SGSM2: variants seen among roughly 807,000 people sequenced by gnomAD.
SGSM2 encodes the protein small G protein signaling modulator 2.
Under a neutral mutation model 126.6 loss-of-function variants are expected in SGSM2, and 89 were observed. The ratio of observed to expected loss-of-function variants is 0.70; its 90% confidence interval spans 0.59 to 0.84. The LOEUF is 0.84. Among genes scored for constraint, SGSM2 ranks in the 40% least tolerant of loss-of-function variants. The probability of loss-of-function intolerance (pLI) is 0.00; values close to 1 mark genes in which losing one functional copy is unlikely to be tolerated. For missense variants in SGSM2, 1,404 were observed against 1,416.6 expected (o/e 0.99, Z 0.14); for synonymous variants, 614 against 574.3 (o/e 1.07, Z -0.99).
intron 2 of SGSM2, among the ~76,000 whole-genome samples, chr17:2,361,192 G>A (rs2065293878): frequency 6.6e-6 from 1 of 152,234 alleles, no homozygotes; most frequent in African/African-American, 2.4e-5. Context: ...TCCAAGCTCT[G>A]CAGTGACTTC....
At position 2,379,462 on chromosome 17, in the gene SGSM2, T is replaced by C; in HGVS notation, c.3098T>C (p.Ile1033Thr). 6.2e-7 allele frequency: 1 copy of C among 1,613,376 alleles called. No homozygotes were observed. The highest frequency in any genetic ancestry group is 1.6e-4 in the Middle Eastern group (1 of 6,062). ...ERAEHHDAQE[I>T]LRIARDLVHK... ...GCTGAGCATCACGATGCCCAGGAGA[T>C]CCTGCGGATTGCCCGGGACCTCGTC... Residue 1033 changes from isoleucine (I) to threonine (T), a missense_variant, in exon 24 of 24, where the codon ATC becomes ACC. Coordinates refer to ENST00000268989, the MANE Select transcript of SGSM2 (RefSeq NM_014853.3).
At chr17:2,378,004 C>T (rs1244045835) in intron 22 of SGSM2, 51 bp downstream of exon 22, 3 of 1,163,262 alleles carry the variant, frequency 2.6e-6, no homozygotes, top group Non-Finnish European at 1.3e-6. Context: ...GTGAGAGATC[C>T]CTCTTCCCCC....
chr17:2,372,060 C>T lies in SGSM2; in HGVS notation c.1578-130C>T. 2 of 1,068,956 alleles carry T rather than the reference C, an allele frequency of 1.9e-6. No individual in the cohort carries two copies. Among genetic ancestry groups the T allele is most frequent in the Non-Finnish European group, 2.8e-6 (2 of 719,574 alleles). The allele number at this position is 1,068,956 out of a possible 1,614,324, so 66.2% of individuals were successfully genotyped here. On this transcript the variant is annotated intron_variant, in intron 13 of 23. Coordinates refer to ENST00000268989, the MANE Select transcript of SGSM2 (RefSeq NM_014853.3). This position sits in a 1 kb window ranked among gnomAD's most constrained non-coding sequence, Gnocchi z 6.0. ...AGGGCACCCACTGACGGCTGCTGGG[C>T]TGCGGCTCCTCCTCCTCGCACCCTC...
chr17:2,343,667 G>A (rs570223496), intron 2 of SGSM2, 47 bp downstream of exon 2: 1 of 1,562,862 alleles, frequency 6.4e-7, no homozygotes, highest in South Asian at 1.1e-5. Flanking sequence ...TAGAGCCGAG[G>A]ACACTGGCCT....
At chr17:2,373,665 A>C in intron 17 of SGSM2, 152 bp downstream of exon 17, 1 of 661,462 alleles carries the variant, frequency 1.5e-6, no homozygotes, top group Non-Finnish European at 2.6e-6. Context: ...CCAACTGGAA[A>C]TGGCTAACTG....
In SGSM2 at chr17:2,376,967, G is replaced by A; in HGVS notation, c.2701G>A (p.Ala901Thr). The A allele has an allele frequency of 6.2e-7, 1 of 1,613,188 alleles. No individual in the cohort carries two copies. Among genetic ancestry groups the A allele is most frequent in the Non-Finnish European group, 8.5e-7 (1 of 1,179,456 alleles). The change falls in exon 21 of 24, where the codon GCC becomes ACC. Residue 901 changes from alanine to threonine, a missense_variant. By Grantham distance (58) the Ala-to-Thr change is moderately conservative. Coordinates refer to ENST00000268989, the MANE Select transcript of SGSM2 (RefSeq NM_014853.3). ...CTCCTGTCTCCCCTCAGATCAGCTG[G>A]CCTACAGCTGCTTCAGCCACCTCAT... is the stretch of plus-strand genomic sequence containing the variant. ...LLVTLDNDQL[A>T]YSCFSHLMKR...
chr17:2,376,577 C>T lies in SGSM2; in HGVS notation c.2610-156C>T, dbSNP rs563258961. The T allele has an allele frequency of 2.6e-4, 220 of 842,686 alleles. 2 individuals carry two copies. In the African/African-American group the frequency reaches 3.3e-3, roughly 12 times the overall value. The allele number at this position is 842,686 out of a possible 1,614,324, so 52.2% of individuals were successfully genotyped here. A position where few individuals can be genotyped will look rare whatever the true frequency, so the allele number is the denominator to read the frequency against. ...CTTGGGGGGGACCCGTGGGTTGTTC[C>T]CCGTTGTCTCCCTGTGGGGGGTGCA... On this transcript the variant is annotated intron_variant, in intron 19 of 23. Coordinates refer to ENST00000268989, the MANE Select transcript of SGSM2 (RefSeq NM_014853.3).
rs2065657614 is a variant in SGSM2, at chr17:2,367,635, G to A, written c.1423+230G>A. 6.6e-6 allele frequency among the ~76,000 whole-genome samples: 1 copy of A among 152,234 alleles called. No homozygotes were observed. The highest frequency in any genetic ancestry group is 2.4e-5 in the African/African-American group (1 of 41,466). On this transcript the variant is annotated intron_variant, in intron 12 of 23. Coordinates refer to ENST00000268989, the MANE Select transcript of SGSM2 (RefSeq NM_014853.3). This position sits in a 1 kb window ranked among gnomAD's most constrained non-coding sequence, Gnocchi z 4.0. ...TGGCTCCAGGCTGTGAGGAGGAAGA[G>A]GATTTGCTAATAGGAAGGTCTGATT...
chr17:2,379,914 G>A lies in SGSM2; in HGVS notation c.*394G>A, dbSNP rs908465505. On this transcript the variant is annotated 3_prime_UTR_variant, in exon 24 of 24. Coordinates refer to ENST00000268989, the MANE Select transcript of SGSM2 (RefSeq NM_014853.3). ...TGGGCCCTACTCAGCTGGGGTGGCA[G>A]AGGGCGAGAGGCTCTGTGCTGTGTC... 7.7e-6 allele frequency: 10 copies of A among 1,298,736 alleles called. No homozygotes were observed. Among genetic ancestry groups the A allele is most frequent in the Non-Finnish European group, 9.8e-6 (10 of 1,018,948 alleles). 80.5% of individuals were successfully genotyped at this position (1,298,736 alleles called of 1,614,324 possible). A position where few individuals can be genotyped will look rare whatever the true frequency, so the allele number is the denominator to read the frequency against.
intron 17 of SGSM2, chr17:2,375,128 T>G: frequency 5.0e-6 from 1 of 198,944 alleles, no homozygotes; most frequent in Non-Finnish European, 1.0e-5. Context: ...ACCAAAACAC[T>G]AAGGCCATTC....
At chr17:2,342,630 G>A (rs964757282) in intron 1 of SGSM2, among the ~76,000 whole-genome samples, 2 of 152,136 alleles carry the variant, frequency 1.3e-5, no homozygotes, top group Admixed American at 6.6e-5. Flanking sequence ...ATTGTGATAT[G>A]TTCTTTTATA....
At chr17:2,341,437 T>G (rs2064364703) in intron 1 of SGSM2, among the ~76,000 whole-genome samples, 1 of 152,160 alleles carries the variant, frequency 6.6e-6, no homozygotes, top group African/African-American at 2.4e-5. Flanking sequence ...CTGATCCCCT[T>G]TTACCTGAGC....
chr17:2,363,012 A>T lies in SGSM2; in HGVS notation c.550A>T (p.Thr184Ser). The T allele has an allele frequency of 6.2e-7, 1 of 1,614,014 alleles. No homozygotes were observed. Among genetic ancestry groups the T allele is most frequent in the Non-Finnish European group, 8.5e-7 (1 of 1,180,036 alleles). The change falls in exon 6 of 24, where the codon ACT becomes TCT. Residue 184 changes from threonine to serine, a missense_variant. Transcript: ENST00000268989. This position sits in a 1 kb window ranked among gnomAD's most constrained non-coding sequence, Gnocchi z 4.2. Reference protein sequence around the residue: ...LLVGPCALEYTKLKTADHYWT... With the variant: ...LLVGPCALEYSKLKTADHYWT... The stretch of plus-strand genomic sequence containing the variant: ...AGTGGGACCCTGTGCCTTGGAATAC[A>T]CTAAGCTCAAGACAGCCGATCACTA...
At chr17:2,357,899 A>G (rs1209232574) in intron 2 of SGSM2, among the ~76,000 whole-genome samples, 8 of 152,140 alleles carry the variant, frequency 5.3e-5, no homozygotes, top group Non-Finnish European at 1.2e-4. Context: ...TTTTTCTCAT[A>G]TGAAATAAGC....
In SGSM2 at chr17:2,364,638, C is replaced by T. The variant is rs776285931; in HGVS notation, c.975C>T (p.Val325=). ...CCCTCGTGGTGCCCTTCAGCCAGGT[C>T]GTGTGCATCCACTGCCACCAGCAAA... ...DYALVVPFSQ[V]VCIHCHQQKS... is the part of the protein sequence containing the mutation. The change falls in exon 9 of 24, where the codon GTC becomes GTT. Residue 325 remains valine (V), a synonymous_variant. Coordinates refer to ENST00000268989, the MANE Select transcript of SGSM2 (RefSeq NM_014853.3). The T allele has an allele frequency of 5.6e-6, 9 of 1,614,166 alleles. No homozygotes were observed. In the South Asian group the frequency reaches 7.7e-5, roughly 14 times the overall value.
At chr17:2,375,224 T>A in intron 17 of SGSM2, 1 of 374,186 alleles carries the variant, frequency 2.7e-6, no homozygotes, top group Non-Finnish European at 4.8e-6. Context: ...CTCCCCTACT[T>A]CCCTTCAGTA....
At chr17:2,359,004 G>A (rs930367304) in intron 2 of SGSM2, among the ~76,000 whole-genome samples, 1 of 150,924 alleles carries the variant, frequency 6.6e-6, no homozygotes, top group Non-Finnish European at 1.5e-5. Flanking sequence ...CAGCCTCCCA[G>A]GTAGCTGGGA....
chr17:2,358,880 T>G (rs1156699680), intron 2 of SGSM2, among the ~76,000 whole-genome samples: 5 of 148,886 alleles, frequency 3.4e-5, no homozygotes, highest in Non-Finnish European at 7.4e-5. Context: ...GTTGTTTTTT[T>G]TTTTTTTTTT....
chr17:2,375,428 G>T, intron 17 of SGSM2, 64 bp from the exon 18 acceptor site: 1 of 1,532,482 alleles, frequency 6.5e-7, no homozygotes, highest in Non-Finnish European at 8.8e-7. Flanking sequence ...TCTGGCCCGA[G>T]GAGGCGGTGG....
Sources: allele counts gnomAD v4.1 joint callset (sites outside exome capture counted in the v4.1 genomes callset), GRCh38; gene constraint gnomAD v4.1.1; non-coding constraint Gnocchi (gnomAD v3.1); transcripts MANE v1.5; gene names NCBI Gene and HGNC (gene_info 2026-07-23, HGNC 2026-07-21).